PEMT: variants seen among roughly 807,000 people sequenced by gnomAD.
The protein encoded by PEMT is phospholipid methyltransferase.
A neutral mutation model predicts 27.4 loss-of-function variants in PEMT; 23 were observed. The ratio of observed to expected loss-of-function variants is 0.84; its 90% confidence interval spans 0.60 to 1.19. The LOEUF is 1.19. Among genes scored for constraint, PEMT ranks in the 50% most tolerant of loss-of-function variants. The pLI, the probability that PEMT is intolerant of heterozygous loss-of-function variation, is 0.00. For missense variants in PEMT, 307 were observed against 310.1 expected (o/e 0.99, Z 0.07); for synonymous variants, 137 against 139.1 (o/e 0.98, Z 0.11).
At chr17:17,511,253 C>T (rs1906369282) in intron 4 of PEMT, among the ~76,000 whole-genome samples, 1 of 152,222 alleles carries the variant, frequency 6.6e-6, no homozygotes, top group Non-Finnish European at 1.5e-5. Context: ...CTGCCCCCAC[C>T]TGGCAGATCC....
chr17:17,568,324 A>G (rs1910969224), intron 2 of PEMT, among the ~76,000 whole-genome samples: 1 of 152,154 alleles, frequency 6.6e-6, no homozygotes, highest in Non-Finnish European at 1.5e-5. Flanking sequence ...TTACCTGGTT[A>G]TGCTCTCTCC....
At chr17:17,509,719 C>T (rs760046398) in intron 4 of PEMT, among the ~76,000 whole-genome samples, 174 bp from the exon 5 acceptor site, 10 of 152,196 alleles carry the variant, frequency 6.6e-5, no homozygotes, top group African/African-American at 1.4e-4. Context: ...CCAACAGGCA[C>T]GCAGACAGCA....
chr17:17,591,655 G>T lies in PEMT; in HGVS notation c.-29C>A, dbSNP rs1426555189. ...GGGGCCGCCTCAGGAGGCACCACGC[G>T]GGCCCCGCTGCAGCCACGCGCCCCC... On this transcript the variant is annotated 5_prime_UTR_variant, in exon 1 of 7. Coordinates refer to ENST00000255389, the MANE Select transcript of PEMT (RefSeq NM_148172.3). The T allele has an allele frequency of 1.3e-6, 2 of 1,597,546 alleles. No homozygotes were observed. Among genetic ancestry groups the T allele is most frequent in the Admixed American group, 3.4e-5 (2 of 58,036 alleles).
In PEMT at chr17:17,582,890, C is replaced by T. The variant is rs529849040; in HGVS notation, c.97-5863G>A. 2.6e-5 allele frequency among the ~76,000 whole-genome samples: 4 copies of T among 152,138 alleles called. No homozygotes were observed. The highest frequency in any genetic ancestry group is 7.2e-5 in the African/African-American group (3 of 41,498). On this transcript the variant is annotated intron_variant, in intron 1 of 6. Transcript: ENST00000255389. The surrounding 1 kb of genome is among the most constrained non-coding windows in gnomAD (Gnocchi z 4.9). ...CAGCCTGGCCAATATGGTGAAACCC[C>T]GTTTCTACTAAAAATACAAAAATTA...
intron 2 of PEMT, among the ~76,000 whole-genome samples, chr17:17,554,477 C>T (rs958210118): frequency 1.3e-5 from 2 of 152,232 alleles, no homozygotes; most frequent in Non-Finnish European, 2.9e-5. Context: ...GGCAGCTTGC[C>T]TCCCTGCTCT....
At chr17:17,555,096 C>CA (rs1256542581) in intron 2 of PEMT, among the ~76,000 whole-genome samples, 1 of 152,114 alleles carries the variant, frequency 6.6e-6, no homozygotes, top group African/African-American at 2.4e-5. Flanking sequence ...ACTGGATTCT[C>CA]ACGATGATCC....
intron 1 of PEMT, among the ~76,000 whole-genome samples, chr17:17,588,701 A>G (rs1912448214): frequency 6.6e-6 from 1 of 152,202 alleles, no homozygotes; most frequent in African/African-American, 2.4e-5. Context: ...GTGCTCTGCC[A>G]GCCTGGGTGC....
At chr17:17,552,371 C>T (rs567236748) in intron 2 of PEMT, among the ~76,000 whole-genome samples, 11 of 152,180 alleles carry the variant, frequency 7.2e-5, no homozygotes, top group South Asian at 2.1e-4. Context: ...GGGTTCCTCC[C>T]GAGGGTCCTG....
In PEMT at chr17:17,513,334, C is replaced by T. The variant is rs1026780605; in HGVS notation, c.321-680G>A. Among the ~76,000 whole-genome samples, 2 of 152,202 alleles carry T rather than the reference C, an allele frequency of 1.3e-5. No individual in the cohort carries two copies. Among genetic ancestry groups the T allele is most frequent in the Non-Finnish European group, 2.9e-5 (2 of 68,040 alleles). On this transcript the variant is annotated intron_variant, in intron 3 of 6. Coordinates refer to ENST00000255389, the MANE Select transcript of PEMT (RefSeq NM_148172.3). The surrounding 1 kb of genome is among the most constrained non-coding windows in gnomAD (Gnocchi z 4.1). ...AGTGGGGTCCAGGTGTGGTGGCTCA[C>T]GCCTGCAATCCCAGCACTTTGGGAG... is the stretch of plus-strand genomic sequence containing the variant.
intron 2 of PEMT, among the ~76,000 whole-genome samples, chr17:17,572,351 T>G (rs192743275): frequency 6.6e-6 from 1 of 152,262 alleles, no homozygotes; most frequent in Non-Finnish European, 1.5e-5. Flanking sequence ...GGAATGTCTC[T>G]CCCCATGGCC....
At chr17:17,524,969 G>A (rs888904479) in intron 2 of PEMT, among the ~76,000 whole-genome samples, 1 of 152,116 alleles carries the variant, frequency 6.6e-6, no homozygotes, top group African/African-American at 2.4e-5. Flanking sequence ...TTAGCCGGGA[G>A]TGGTGGTGTG....
At chr17:17,531,621 C>CAAAAAAAAAAAAAAAAAAA (rs58165466) in intron 2 of PEMT, among the ~76,000 whole-genome samples, 1 of 62,382 alleles carries the variant, frequency 1.6e-5, no homozygotes, top group Non-Finnish European at 2.9e-5. Context: ...CTATCATATG[C>CAAAAAAAAAAAAAAAAAAA]AAAAAAAAAA....
chr17:17,585,436 G>A (rs936811604), intron 1 of PEMT, among the ~76,000 whole-genome samples: 3 of 152,112 alleles, frequency 2.0e-5, no homozygotes, highest in African/African-American at 7.2e-5. Context: ...TTCTTGTTAG[G>A]GCCCTCCATG....
At chr17:17,567,328 A>C (rs1910894116) in intron 2 of PEMT, among the ~76,000 whole-genome samples, 2 of 152,252 alleles carry the variant, frequency 1.3e-5, no homozygotes, top group Non-Finnish European at 2.9e-5. Context: ...CACGTTGCTC[A>C]GGCACCACAA....
At chr17:17,569,921 G>A (rs1282618047) in intron 2 of PEMT, among the ~76,000 whole-genome samples, 2 of 152,138 alleles carry the variant, frequency 1.3e-5, no homozygotes, top group Admixed American at 1.3e-4. Context: ...TATCTTCACT[G>A]GGATGCCAGG....
chr17:17,522,547 C>T (rs1306262299), intron 2 of PEMT, 152 bp from the exon 3 acceptor site: 1 of 633,702 alleles, frequency 1.6e-6, no homozygotes. Context: ...ACATGCACCC[C>T]AGCTGCACAT....
In PEMT at chr17:17,582,210, C is replaced by T. The variant is rs778709592; in HGVS notation, c.97-5183G>A. 10 of 944,682 alleles carry T rather than the reference C, an allele frequency of 1.1e-5. No homozygotes were observed. The highest frequency in any genetic ancestry group is 1.3e-5 in the Non-Finnish European group (10 of 792,722). 58.5% of individuals were successfully genotyped at this position (944,682 alleles called of 1,614,324 possible). On this transcript the variant is annotated intron_variant, in intron 1 of 6. Coordinates refer to ENST00000255389, the MANE Select transcript of PEMT (RefSeq NM_148172.3). The surrounding 1 kb of genome is among the most constrained non-coding windows in gnomAD (Gnocchi z 4.9). ...CAGTAATTCTAATGGAACCCCCACTCCAAGGCTCCAGGTTGCAGAGGCCTC... is the reference window on the plus strand; with the variant it reads ...CAGTAATTCTAATGGAACCCCCACTTCAAGGCTCCAGGTTGCAGAGGCCTC...
intron 1 of PEMT, among the ~76,000 whole-genome samples, chr17:17,579,802 G>A (rs1038422130): frequency 1.3e-5 from 2 of 152,206 alleles, no homozygotes; most frequent in South Asian, 2.1e-4. Flanking sequence ...GAGTGGCCAC[G>A]GCAGCAGGTG....
chr17:17,557,555 G>A (rs1288980283), intron 2 of PEMT, among the ~76,000 whole-genome samples: 4 of 152,196 alleles, frequency 2.6e-5, no homozygotes, highest in African/African-American at 7.2e-5. Context: ...TGCAGCCTCC[G>A]GAGTCAACTT....
Sources: gnomAD v4.1 joint callset for allele counts (sites outside exome capture counted in the v4.1 genomes callset) on GRCh38, gnomAD v4.1.1 for gene constraint, Gnocchi (gnomAD v3.1) non-coding constraint, MANE v1.5 for transcripts, NCBI Gene and HGNC (gene_info 2026-07-23, HGNC 2026-07-21) for gene names.